Variants in GRID2 observed in about 807,000 individuals in gnomAD.
GRID2 encodes glutamate ionotropic receptor delta type subunit 2, also known as glutamate receptor ionotropic, delta-2.
A neutral mutation model predicts 114.8 loss-of-function variants in GRID2; 33 were observed. The observed-to-expected ratio is 0.29, with a 90% CI of 0.22 to 0.38. The LOEUF (loss-of-function observed/expected upper bound fraction) is 0.38. GRID2 is among the 10% of genes least tolerant of loss of function. The probability of loss-of-function intolerance (pLI) is 1.00; values close to 1 mark genes in which losing one functional copy is unlikely to be tolerated. For missense variants in GRID2, 1,184 were observed against 1,257.7 expected (o/e 0.94, Z 0.89); for synonymous variants, 505 against 449.9 (o/e 1.12, Z -1.55).
intron 2 of GRID2, among the ~76,000 whole-genome samples, chr4:92,851,608 A>G (rs924857730): frequency 6.6e-6 from 1 of 152,034 alleles, no homozygotes; most frequent in Non-Finnish European, 1.5e-5. Flanking sequence ...CAAAAGAGGC[A>G]TATCAAACAT....
chr4:92,598,973 C>A (rs1729075127), intron 2 of GRID2, among the ~76,000 whole-genome samples: 2 of 150,834 alleles, frequency 1.3e-5, no homozygotes, highest in Admixed American at 1.3e-4. Context: ...ATGGGACTTT[C>A]CTTACCAAGA....
intron 8 of GRID2, among the ~76,000 whole-genome samples, chr4:93,367,737 A>G (rs1296689849): frequency 6.6e-6 from 1 of 152,170 alleles, no homozygotes; most frequent in Non-Finnish European, 1.5e-5. Flanking sequence ...TTGGCTTGAA[A>G]AACACTGTTA....
rs1302198397 is a variant in GRID2 at position 92,935,351 on chromosome 4, G to A, written c.245-149644G>A. ...CACAATGAGATACCATCTCACACCAGTTAGAATGGCAATCATTAAAATGTC... is the reference window on the plus strand; with the variant it reads ...CACAATGAGATACCATCTCACACCAATTAGAATGGCAATCATTAAAATGTC... On this transcript the variant is annotated intron_variant, in intron 2 of 15. Coordinates refer to ENST00000282020, the MANE Select transcript of GRID2 (RefSeq NM_001510.4). 3.4e-5 allele frequency among the ~76,000 whole-genome samples: 5 copies of A among 147,092 alleles called. 1 individual carries two copies. Among genetic ancestry groups the A allele is most frequent in the East Asian group, 4.3e-4 (2 of 4,636 alleles).
intron 1 of GRID2, among the ~76,000 whole-genome samples, chr4:92,526,216 C>A (rs1462142397): frequency 7.6e-6 from 1 of 131,338 alleles, no homozygotes; most frequent in East Asian, 2.3e-4. Context: ...GAAGAAAATT[C>A]ATTAGATTTT....
intron 14 of GRID2, among the ~76,000 whole-genome samples, chr4:93,676,947 T>A (rs1724929916): frequency 6.6e-6 from 1 of 151,708 alleles, no homozygotes; most frequent in South Asian, 2.1e-4. Flanking sequence ...GGTGCAGCGC[T>A]CCATGCACGA....
chr4:92,863,114 TAG>T (rs1482329486), intron 2 of GRID2, among the ~76,000 whole-genome samples: 2 of 152,150 alleles, frequency 1.3e-5, no homozygotes, highest in Non-Finnish European at 2.9e-5. Context: ...TGCAGAACTT[TAG>T]AGTTTTTCTG....
chr4:92,825,955 T>G (rs565641057), intron 2 of GRID2, among the ~76,000 whole-genome samples: 186 of 152,248 alleles, frequency 1.2e-3, no homozygotes, highest in African/African-American at 4.3e-3. Context: ...GCTGAAAGTA[T>G]CCTGAGTGTT....
At chr4:93,269,501 T>C (rs1751199615) in intron 8 of GRID2, among the ~76,000 whole-genome samples, 1 of 152,112 alleles carries the variant, frequency 6.6e-6, no homozygotes, top group African/African-American at 2.4e-5. Context: ...GACAAATCAG[T>C]AGTCAAAAGG....
chr4:92,386,447 C>G (rs1434656954), intron 1 of GRID2, among the ~76,000 whole-genome samples: 1 of 151,650 alleles, frequency 6.6e-6, no homozygotes, highest in Non-Finnish European at 1.5e-5. Flanking sequence ...TCTCCATTTC[C>G]AGCAGTAGCA....
At chr4:93,194,897 G>A (rs1741334136) in intron 4 of GRID2, among the ~76,000 whole-genome samples, 1 of 152,062 alleles carries the variant, frequency 6.6e-6, no homozygotes, top group East Asian at 1.9e-4. Flanking sequence ...AAGCCCTCCA[G>A]GTGATTATAA....
intron 1 of GRID2, among the ~76,000 whole-genome samples, chr4:92,524,214 A>G (rs967382908): frequency 2.0e-5 from 3 of 152,154 alleles, no homozygotes; most frequent in South Asian, 4.1e-4. Context: ...TCCTAGACTT[A>G]GGGAGTCAAA....
intron 4 of GRID2, among the ~76,000 whole-genome samples, chr4:93,159,040 T>C (rs1198475127): frequency 6.6e-6 from 1 of 151,700 alleles, no homozygotes; most frequent in Non-Finnish European, 1.5e-5. Context: ...AACAATATTT[T>C]AATGGTATCA....
intron 8 of GRID2, among the ~76,000 whole-genome samples, chr4:93,340,739 A>G (rs1366544408): frequency 1.3e-5 from 2 of 152,150 alleles, no homozygotes; most frequent in Non-Finnish European, 2.9e-5. Context: ...CCGAAGATGA[A>G]AGAGTTTGTC....
At chr4:93,388,443 T>C (rs1379085121) in intron 8 of GRID2, among the ~76,000 whole-genome samples, 1 of 152,170 alleles carries the variant, frequency 6.6e-6, no homozygotes, top group East Asian at 1.9e-4. Context: ...GCGGTTCTGA[T>C]AAGCTTTAGT....
intron 2 of GRID2, among the ~76,000 whole-genome samples, chr4:92,646,617 C>T (rs564914375): frequency 6.6e-6 from 1 of 152,332 alleles, no homozygotes; most frequent in South Asian, 2.1e-4. Flanking sequence ...ATGATGACTG[C>T]TGGGGCTAAC....
At chr4:93,196,714 T>C (rs1741529886) in intron 4 of GRID2, among the ~76,000 whole-genome samples, 1 of 152,172 alleles carries the variant, frequency 6.6e-6, no homozygotes, top group Non-Finnish European at 1.5e-5. Context: ...ACTAGATGCT[T>C]AATTGCCATG....
chr4:93,683,172 C>T (rs572585010), intron 14 of GRID2, among the ~76,000 whole-genome samples: 1 of 151,902 alleles, frequency 6.6e-6, no homozygotes, highest in Non-Finnish European at 1.5e-5. Flanking sequence ...CCCTGGGCTT[C>T]TCCTTGGCAT....
chr4:93,800,136 G>A (rs1188022102), intron 1 of GRID2, among the ~76,000 whole-genome samples: 1 of 152,166 alleles, frequency 6.6e-6, no homozygotes, highest in Non-Finnish European at 1.5e-5. Context: ...ACGCCTCACA[G>A]GAAAGAGGTA....
At chr4:92,989,302 ATAAT>A (rs1754719280) in intron 2 of GRID2, among the ~76,000 whole-genome samples, 3 of 144,664 alleles carry the variant, frequency 2.1e-5, no homozygotes, top group South Asian at 2.2e-4. Context: ...AAAAAAAAAA[ATAAT>A]AATAATAATC....
Sources: gnomAD v4.1 joint callset for allele counts (sites outside exome capture counted in the v4.1 genomes callset) on GRCh38, gnomAD v4.1.1 for gene constraint, MANE v1.5 for transcripts, NCBI Gene and HGNC (gene_info 2026-07-23, HGNC 2026-07-21) for gene names.